APBB2: variants seen among roughly 807,000 people sequenced by gnomAD.
APBB2 encodes Fe65-like 1.
In APBB2, 38 loss-of-function variants were observed where a neutral mutation model predicts 82.5. That is an observed-to-expected ratio of 0.46 (90% CI 0.36 to 0.60). APBB2 has a LOEUF of 0.60. Ranked by LOEUF, APBB2 falls within the 20% of genes least tolerant of loss-of-function variation. APBB2 has a pLI of 0.00. For missense variants in APBB2, 772 were observed against 972.3 expected (o/e 0.79, Z 2.74); for synonymous variants, 341 against 368.2 (o/e 0.93, Z 0.85).
intron 12 of APBB2, among the ~76,000 whole-genome samples, chr4:40,840,439 T>C (rs1350261196): frequency 1.3e-5 from 2 of 152,170 alleles, no homozygotes; most frequent in Non-Finnish European, 2.9e-5. Flanking sequence ...ACTTCATCTT[T>C]CCAGATGGCC....
intron 6 of APBB2, among the ~76,000 whole-genome samples, chr4:40,979,263 G>C (rs1380932582): frequency 6.6e-6 from 1 of 152,144 alleles, no homozygotes; most frequent in East Asian, 1.9e-4. Context: ...TAAAAGACTT[G>C]ATGTCCAACA....
intron 10 of APBB2, among the ~76,000 whole-genome samples, chr4:40,923,391 C>T (rs926433623): frequency 6.6e-5 from 10 of 152,236 alleles, no homozygotes; most frequent in East Asian, 1.9e-4. Flanking sequence ...AGTTCTGAGA[C>T]GTGCTGGCTC....
intron 3 of APBB2, among the ~76,000 whole-genome samples, chr4:41,097,853 G>A (rs1264092877): frequency 2.6e-5 from 4 of 152,232 alleles, no homozygotes; most frequent in South Asian, 4.1e-4. Context: ...TTAAAAAGAA[G>A]TGTGGAGGTT....
chr4:40,851,849 G>C (rs1318292481), intron 12 of APBB2, among the ~76,000 whole-genome samples: 1 of 151,158 alleles, frequency 6.6e-6, no homozygotes, highest in Non-Finnish European at 1.5e-5. Context: ...CTGGAAGAAG[G>C]GGGCAGAGAA....
At chr4:40,893,109 C>T (rs187478842) in intron 11 of APBB2, 156 bp downstream of exon 11, 59 of 820,250 alleles carry the variant, frequency 7.2e-5, no homozygotes, top group South Asian at 1.6e-4. Flanking sequence ...ATCAGTCACA[C>T]GGGGGTACCA....
chr4:41,209,788 A>G (rs549449681), intron 1 of APBB2, among the ~76,000 whole-genome samples: 1 of 152,368 alleles, frequency 6.6e-6, no homozygotes, highest in African/African-American at 2.4e-5. Flanking sequence ...CAACCATTTT[A>G]TAACAAATGA....
intron 10 of APBB2, among the ~76,000 whole-genome samples, chr4:40,925,951 T>C (rs1782510558): frequency 6.6e-6 from 1 of 152,152 alleles, no homozygotes; most frequent in South Asian, 2.1e-4. Context: ...GATGGTTTGT[T>C]TCATCTCCTT....
chr4:41,110,077 C>A (rs1277987625), intron 2 of APBB2, among the ~76,000 whole-genome samples: 2 of 151,686 alleles, frequency 1.3e-5, no homozygotes, highest in Non-Finnish European at 3.0e-5. Flanking sequence ...TCCATCAAGA[C>A]TCCACCCAGA....
chr4:41,001,699 G>A (rs1805285523), intron 6 of APBB2, among the ~76,000 whole-genome samples: 2 of 152,222 alleles, frequency 1.3e-5, no homozygotes, highest in Non-Finnish European at 2.9e-5. Context: ...CCAACCTGGT[G>A]AAACTCTGCC....
chr4:40,863,212 G>T (rs148313760), intron 12 of APBB2, among the ~76,000 whole-genome samples: 1 of 152,246 alleles, frequency 6.6e-6, no homozygotes, highest in African/African-American at 2.4e-5. Flanking sequence ...AAGTACATTC[G>T]GGACAAAGTG....
chr4:40,828,460 A>C (rs529805308), intron 13 of APBB2, among the ~76,000 whole-genome samples: 30 of 152,346 alleles, frequency 2.0e-4, no homozygotes, highest in African/African-American at 7.0e-4. Context: ...ATCTGTGCCC[A>C]GGGCAGCGAG....
intron 12 of APBB2, among the ~76,000 whole-genome samples, chr4:40,850,577 C>T (rs2154323680): frequency 6.6e-6 from 1 of 152,284 alleles, no homozygotes; most frequent in Middle Eastern, 3.4e-3. Context: ...AAATCTCAGA[C>T]TGTTTTGTGA....
chr4:40,894,516 T>G (rs1183003669), intron 10 of APBB2, among the ~76,000 whole-genome samples: 1 of 152,140 alleles, frequency 6.6e-6, no homozygotes, highest in Non-Finnish European at 1.5e-5. Context: ...TTTTCTCTAA[T>G]ACCCAGAAAG....
In APBB2 at chr4:41,196,158, CA is replaced by C; in HGVS notation, c.-417+18246del. Among the ~76,000 whole-genome samples, 835 of 143,692 alleles carry C rather than the reference CA, an allele frequency of 5.8e-3. 3 individuals are homozygous for C. The highest frequency in any genetic ancestry group is 0.011 in the Middle Eastern group (3 of 280). The allele number at this position is 143,692 out of a possible 152,430, so 94.3% of individuals were successfully genotyped here. ...TGGTCGACAGAGCAAGACTCCGTCT[CA>C]AAAAAAAAAAAATCACATCCCCTCC... On this transcript the variant is annotated intron_variant, in intron 1 of 17. Transcript: ENST00000508593.
intron 4 of APBB2, among the ~76,000 whole-genome samples, chr4:41,037,256 G>A (rs1719580455): frequency 6.6e-6 from 1 of 152,134 alleles, no homozygotes; most frequent in African/African-American, 2.4e-5. Context: ...ATTGCTGTGA[G>A]TGTAAAATGC....
intron 1 of APBB2, among the ~76,000 whole-genome samples, chr4:41,159,955 GAGAAGGAGAAGAAGAAGAAGA>G (rs1227075830): frequency 2.0e-3 from 97 of 48,768 alleles, no homozygotes; most frequent in Non-Finnish European, 2.5e-3. Flanking sequence ...GAAGGAGAAG[GAGAAGGAGAAGAAGAAGAAGA>G]AGAAGAAGAA....
chr4:41,039,512 A>C lies in APBB2; in HGVS notation c.-50-6208T>G, dbSNP rs990414368. Among the ~76,000 whole-genome samples, 109 of 152,212 alleles carry C rather than the reference A, an allele frequency of 7.2e-4. 3 individuals are homozygous for C. The highest frequency in any genetic ancestry group is 2.9e-4 in the Non-Finnish European group (20 of 68,030). ...AGTTACTATGACAACAGAATGGGGT[A>C]TCATAGGCTGCTTGTTTTGCTTAGT... On this transcript the variant is annotated intron_variant, in intron 4 of 17. Transcript: ENST00000508593.
intron 7 of APBB2, among the ~76,000 whole-genome samples, chr4:40,937,872 T>TA (rs1785767351): frequency 1.3e-5 from 2 of 152,380 alleles, no homozygotes; most frequent in South Asian, 4.1e-4. Flanking sequence ...ATTTGGCTAA[T>TA]AAGTTTTGCT....
chr4:40,986,263 G>A (rs1460316841), intron 6 of APBB2, among the ~76,000 whole-genome samples: 2 of 152,174 alleles, frequency 1.3e-5, no homozygotes, highest in African/African-American at 4.8e-5. Context: ...CGTAATAAGA[G>A]ACTACTTACG....
Sources: gnomAD v4.1 joint callset for allele counts (sites outside exome capture counted in the v4.1 genomes callset) on GRCh38, gnomAD v4.1.1 for gene constraint, MANE v1.5 for transcripts, NCBI Gene and HGNC (gene_info 2026-07-23, HGNC 2026-07-21) for gene names.